Variants in DIS3L2 observed in about 807,000 individuals in gnomAD.
DIS3L2 encodes the protein DIS3-like exonuclease 2.
In DIS3L2, 34 loss-of-function variants were observed where a neutral mutation model predicts 97.5. That is an observed-to-expected ratio of 0.35 (90% confidence interval 0.27 to 0.46). The LOEUF is 0.46. Among genes scored for constraint, DIS3L2 ranks in the 20% least tolerant of loss-of-function variants. The probability of loss-of-function intolerance (pLI) is 1.00; values close to 1 mark genes in which losing one functional copy is unlikely to be tolerated. For missense variants in DIS3L2, 1,038 were observed against 1,146.0 expected (o/e 0.91, Z 1.36); for synonymous variants, 435 against 445.2 (o/e 0.98, Z 0.29).
At position 232,336,787 on chromosome 2, in the gene DIS3L2, A is replaced by C; in HGVS notation, c.*157A>C. 2 of 1,454,676 alleles carry C rather than the reference A, an allele frequency of 1.4e-6. No individual in the cohort carries two copies. The allele number at this position is 1,454,676 out of a possible 1,614,324, so 90.1% of individuals were successfully genotyped here. A position where few individuals can be genotyped will look rare whatever the true frequency, so the allele number is the denominator to read the frequency against. Reference sequence around the variant, plus strand: ...ATTTTTGCAGCTCAACTTTTAAACAAACTGCAGGGGAGAGGGTGGGGCTGG... The same window carrying C: ...ATTTTTGCAGCTCAACTTTTAAACACACTGCAGGGGAGAGGGTGGGGCTGG... On this transcript the variant is annotated 3_prime_UTR_variant, in exon 21 of 21. Transcript: ENST00000325385.
chr2:232,103,499 C>T (rs1343480950), intron 6 of DIS3L2, among the ~76,000 whole-genome samples: 1 of 152,146 alleles, frequency 6.6e-6, no homozygotes, highest in East Asian at 1.9e-4. Flanking sequence ...AACATGATGA[C>T]ATATAATATT....
intron 13 of DIS3L2, among the ~76,000 whole-genome samples, chr2:232,288,587 A>G (rs767105611): frequency 6.6e-6 from 1 of 152,198 alleles, no homozygotes; most frequent in African/African-American, 2.4e-5. Flanking sequence ...TTGGGGTTAT[A>G]TAACTCCCCG....
At chr2:232,290,466 C>T (rs1179573546) in intron 13 of DIS3L2, among the ~76,000 whole-genome samples, 3 of 152,132 alleles carry the variant, frequency 2.0e-5, no homozygotes, top group African/African-American at 4.8e-5. Flanking sequence ...CTGCCATAGA[C>T]GTGCTGGTGA....
At position 232,336,885 on chromosome 2, in the gene DIS3L2, C is replaced by CT. The variant is rs779630159; in HGVS notation, c.*261dup. The CT allele has an allele frequency of 8.3e-6, 11 of 1,321,102 alleles. No individual in the cohort carries two copies. In the East Asian group the frequency reaches 1.7e-4, roughly 21 times the overall value. The allele number at this position is 1,321,102 out of a possible 1,614,324, so 81.8% of individuals were successfully genotyped here. The stretch of plus-strand genomic sequence containing the variant: ...CAGTCCTCCTGGGAGGCTGGCCCCC[C>CT]TTTTTTCTGGGCCCTACTGCCCTCC... On this transcript the variant is annotated 3_prime_UTR_variant, in exon 21 of 21. Transcript: ENST00000325385.
At chr2:232,254,368 G>A (rs1170170901) in intron 12 of DIS3L2, among the ~76,000 whole-genome samples, 1 of 152,094 alleles carries the variant, frequency 6.6e-6, no homozygotes, top group Non-Finnish European at 1.5e-5. Flanking sequence ...GGGGGTGGGA[G>A]CATGCATAGG....
downstream of DIS3L2, chr2:232,339,584 G>A (rs1383815975): frequency 1.0e-5 from 4 of 392,036 alleles, no homozygotes; most frequent in African/African-American, 8.2e-5. Context: ...GAAGTGACAG[G>A]TTGGGCTCCT....
At chr2:232,046,795 A>G (rs934921938) in intron 5 of DIS3L2, among the ~76,000 whole-genome samples, 8 of 152,016 alleles carry the variant, frequency 5.3e-5, no homozygotes, top group African/African-American at 1.9e-4. Flanking sequence ...CCTCCTTCCC[A>G]TTTTGGGGAG....
intron 9 of DIS3L2, among the ~76,000 whole-genome samples, chr2:232,208,714 G>A: frequency 6.6e-6 from 1 of 152,072 alleles, no homozygotes; most frequent in Non-Finnish European, 1.5e-5. Flanking sequence ...CCACAGTCTG[G>A]TTATCCATTT....
At chr2:232,301,789 A>G (rs1207211183) in intron 14 of DIS3L2, among the ~76,000 whole-genome samples, 1 of 151,636 alleles carries the variant, frequency 6.6e-6, no homozygotes, top group East Asian at 1.9e-4. Context: ...TCTGGTGGCA[A>G]CAACTTATGT....
At chr2:232,270,118 G>A (rs1242609433) in intron 13 of DIS3L2, among the ~76,000 whole-genome samples, 1 of 152,144 alleles carries the variant, frequency 6.6e-6, no homozygotes, top group African/African-American at 2.4e-5. Flanking sequence ...AGTACCACCT[G>A]GGGACACCAC....
chr2:232,035,320 C>T (rs1221049721), intron 5 of DIS3L2, among the ~76,000 whole-genome samples: 1 of 152,126 alleles, frequency 6.6e-6, no homozygotes, highest in Non-Finnish European at 1.5e-5. Context: ...AGGATTGCAT[C>T]CCCTGCTTTT....
chr2:232,335,756 T>C lies in DIS3L2; in HGVS notation c.2395-17T>C, dbSNP rs550860283. On this transcript the variant is annotated splice_polypyrimidine_tract_variant and intron_variant, in intron 19 of 20. Coordinates refer to ENST00000325385, the MANE Select transcript of DIS3L2 (RefSeq NM_152383.5). ...GCATCCAGAGCTGAGGCCTGAGGCT[T>C]GGTGTTTGCACTCCAGGCACTGGCC... The C allele has an allele frequency of 5.8e-6, 9 of 1,549,814 alleles. No homozygotes were observed. In the African/African-American group the frequency reaches 1.1e-4, roughly 19 times the overall value.
At chr2:232,024,450 C>A in intron 4 of DIS3L2, 120 bp downstream of exon 4, 2 of 771,088 alleles carry the variant, frequency 2.6e-6, no homozygotes, top group Non-Finnish European at 4.2e-6. Context: ...TGACGATGGG[C>A]AAAGATTTGT....
intron 1 of DIS3L2, among the ~76,000 whole-genome samples, chr2:232,011,340 G>A (rs1694193954): frequency 6.6e-6 from 1 of 151,472 alleles, no homozygotes; most frequent in African/African-American, 2.4e-5. Context: ...AAGATTTCTT[G>A]TTTGTTCATT....
intron 6 of DIS3L2, among the ~76,000 whole-genome samples, chr2:232,088,118 C>T (rs562076241): frequency 2.0e-5 from 3 of 152,134 alleles, no homozygotes; most frequent in African/African-American, 4.8e-5. Flanking sequence ...GTATTTTTGT[C>T]GGCTGGGCAC....
intron 13 of DIS3L2, 64 bp downstream of exon 13, chr2:232,263,504 A>C: frequency 6.6e-7 from 1 of 1,524,242 alleles, no homozygotes; most frequent in South Asian, 1.2e-5. Flanking sequence ...AGCGTGGATG[A>C]GCGCAGCTTG....
At chr2:232,155,773 G>A (rs1422310510) in intron 8 of DIS3L2, among the ~76,000 whole-genome samples, 2 of 152,018 alleles carry the variant, frequency 1.3e-5, no homozygotes, top group African/African-American at 4.8e-5. Context: ...GGCAGATCAC[G>A]AGGTCAGGAG....
chr2:231,968,063 C>A (rs183548198), intron 1 of DIS3L2, among the ~76,000 whole-genome samples: 69 of 151,848 alleles, frequency 4.5e-4, no homozygotes, highest in African/African-American at 1.5e-3. Context: ...TGTTTTCATA[C>A]CCCTGGCTCC....
At position 232,268,965 on chromosome 2, in the gene DIS3L2, A is replaced by C. The variant is rs897430170; in HGVS notation, c.1659+5525A>C. Reference sequence around the variant, plus strand: ...GAGTAGAGGAATGAATCAGTTTAGCATCAGTTCCCTTATTCCATTTACAGG... The same window carrying C: ...GAGTAGAGGAATGAATCAGTTTAGCCTCAGTTCCCTTATTCCATTTACAGG... On this transcript the variant is annotated intron_variant, in intron 13 of 20. Transcript: ENST00000325385. The surrounding 1 kb of genome is among the most constrained non-coding windows in gnomAD (Gnocchi z 4.1). Among the ~76,000 whole-genome samples the C allele has an allele frequency of 3.3e-5, 5 of 152,234 alleles. No homozygotes were observed. The highest frequency in any genetic ancestry group is 7.3e-5 in the Non-Finnish European group (5 of 68,040).
Sources: allele counts gnomAD v4.1 joint callset (sites outside exome capture counted in the v4.1 genomes callset), GRCh38; gene constraint gnomAD v4.1.1; non-coding constraint Gnocchi (gnomAD v3.1); transcripts MANE v1.5; gene names NCBI Gene and HGNC (gene_info 2026-07-23, HGNC 2026-07-21).